Variants in PDE1B observed in about 807,000 individuals in gnomAD.
PDE1B encodes phosphodiesterase 1B.
A neutral mutation model predicts 66.7 loss-of-function variants in PDE1B; 13 were observed. That is an observed-to-expected ratio of 0.19 (90% CI 0.13 to 0.31). The LOEUF is 0.31. PDE1B is among the 10% of genes least tolerant of loss of function. The pLI is 1.00. For missense variants in PDE1B, 485 were observed against 682.3 expected, an observed-to-expected ratio of 0.71 and a Z score of 3.22; for synonymous variants, 230 against 253.9, an observed-to-expected ratio of 0.91 and a Z score of 0.90.
chr12:54,558,651 A>T, intron 2 of PDE1B, among the ~76,000 whole-genome samples: 1 of 152,166 alleles, frequency 6.6e-6, no homozygotes, highest in Non-Finnish European at 1.5e-5. Flanking sequence ...CTGCCTCCCC[A>T]GGGCCTCTGG....
chr12:54,573,753 G>T lies in PDE1B; in HGVS notation c.1064+44G>T. 1 of 1,453,596 alleles carries T rather than the reference G, an allele frequency of 6.9e-7. No individual in the cohort carries two copies. The highest frequency in any genetic ancestry group is 9.7e-7 in the Non-Finnish European group (1 of 1,035,126). 90.0% of individuals were successfully genotyped at this position (1,453,596 alleles called of 1,614,324 possible). A position where few individuals can be genotyped will look rare whatever the true frequency, so the allele number is the denominator to read the frequency against. ...TGGCTGGGGCCAGGCCAGAGGGAGG[G>T]GTGTGTGAACTGGGGGGGTATACAC... On this transcript the variant is annotated intron_variant, in intron 10 of 15. Transcript: ENST00000243052. This position sits in a 1 kb window ranked among gnomAD's most constrained non-coding sequence, Gnocchi z 5.2.
chr12:54,576,590 T>G lies in PDE1B; in HGVS notation c.1396T>G (p.Ser466Ala). 6.2e-7 allele frequency: 1 copy of G among 1,614,056 alleles called. No individual in the cohort carries two copies. Among genetic ancestry groups the G allele is most frequent in the Non-Finnish European group, 8.5e-7 (1 of 1,180,002 alleles). ...TTCTAGCTTTCAGTGGCGCCAGCCC[T>G]CTCTGGATGTGGAAGTGGGAGACCC... Reference protein sequence around the residue: ...NQPSFQWRQPSLDVEVGDPNP... With the variant: ...NQPSFQWRQPALDVEVGDPNP... Residue 466 changes from serine (S) to alanine (A), a missense_variant, in exon 14 of 16, where the codon TCT becomes GCT. Ser to Ala is a moderately conservative substitution (Grantham distance 99). Transcript: ENST00000243052.
In PDE1B at chr12:54,549,622, T is replaced by C. The variant is rs1957244098; in HGVS notation, c.-164T>C. 4.4e-6 allele frequency: 2 copies of C among 449,618 alleles called. No individual in the cohort carries two copies. Among genetic ancestry groups the C allele is most frequent in the South Asian group, 3.5e-5 (1 of 28,526 alleles). The allele number at this position is 449,618 out of a possible 1,614,324, so 27.9% of individuals were successfully genotyped here. A position where few individuals can be genotyped will look rare whatever the true frequency, so the allele number is the denominator to read the frequency against. On this transcript the variant is annotated 5_prime_UTR_variant, in exon 1 of 16. Coordinates refer to ENST00000243052, the MANE Select transcript of PDE1B (RefSeq NM_000924.4). ...TGGCAGCGCGCGGCGGCGGCGGCGG[T>C]AGCGGCAGCAGCAGCGGCGGTGCGG...
intron 2 of PDE1B, chr12:54,561,400 T>C: frequency 8.2e-7 from 1 of 1,220,930 alleles, no homozygotes. Flanking sequence ...GCTGGGTCTC[T>C]GCCTCCCCAC....
chr12:54,566,940 G>C, intron 2 of PDE1B, 34 bp from the exon 3 acceptor site: 1 of 1,176,412 alleles, frequency 8.5e-7, no homozygotes, highest in Non-Finnish European at 1.3e-6. Flanking sequence ...AGGTAGCTGT[G>C]CCTAAGCAGC....
chr12:54,564,934 A>T (rs1465368234), intron 2 of PDE1B, among the ~76,000 whole-genome samples: 6 of 152,200 alleles, frequency 3.9e-5, no homozygotes, highest in Admixed American at 3.9e-4. Flanking sequence ...TGGTTTCTGC[A>T]TTGTAAATGG....
intron 13 of PDE1B, 163 bp from the exon 14 acceptor site, chr12:54,576,408 G>C (rs924820085): frequency 3.8e-5 from 28 of 733,362 alleles, no homozygotes; most frequent in Admixed American, 1.9e-4. Flanking sequence ...TGAAATGAGG[G>C]GGAGAGGGAC....
At position 54,575,489 on chromosome 12, in the gene PDE1B, A is replaced by G. The variant is rs1016529725; in HGVS notation, c.1186-62A>G. 2.4e-5 allele frequency: 29 copies of G among 1,197,724 alleles called. No homozygotes were observed. The highest frequency in any genetic ancestry group is 3.5e-5 in the Non-Finnish European group (28 of 801,888). 74.2% of individuals were successfully genotyped at this position (1,197,724 alleles called of 1,614,324 possible). A position where few individuals can be genotyped will look rare whatever the true frequency, so the allele number is the denominator to read the frequency against. On this transcript the variant is annotated intron_variant, in intron 11 of 15. Transcript: ENST00000243052. The surrounding 1 kb of genome is among the most constrained non-coding windows in gnomAD (Gnocchi z 4.0). ...CCCACCCCCACCACTTGCCACCTGT[A>G]CCCCAGATCTGGTAGGTCTGAGGTA...
intron 2 of PDE1B, among the ~76,000 whole-genome samples, chr12:54,563,208 C>G (rs576907926): frequency 6.6e-6 from 1 of 152,174 alleles, no homozygotes; most frequent in Non-Finnish European, 1.5e-5. Flanking sequence ...ATGGGCCAAC[C>G]GACAGAATTA....
Position 54,549,884 on chromosome 12 carries a change from C to A in PDE1B, c.12C>A (p.Ser4=), listed in dbSNP as rs148928407. MEL[S]PRSPPEMLEE... ...GACCGTGGCTGAGCATGGAGCTGTC[C>A]CCCCGCAGTCCTCCGGAGATGCTGG... The change falls in exon 2 of 16, where the codon TCC becomes TCA. Residue 4 remains serine, a synonymous_variant. Transcript: ENST00000243052. 801 of 1,613,430 alleles carry A rather than the reference C, an allele frequency of 5.0e-4. 2 individuals carry two copies. In the African/African-American group the frequency reaches 9.9e-3, roughly 20 times the overall value.
chr12:54,569,452 A>G lies in PDE1B; in HGVS notation c.410+86A>G, dbSNP rs1270294359. On this transcript the variant is annotated intron_variant, in intron 4 of 15. Coordinates refer to ENST00000243052, the MANE Select transcript of PDE1B (RefSeq NM_000924.4). The surrounding 1 kb of genome is among the most constrained non-coding windows in gnomAD (Gnocchi z 4.4). ...CCCTGGTCTTCCATGACCACCAGCCATATGATCCCATGGCTCATCCCCACA... is the reference window on the plus strand; with the variant it reads ...CCCTGGTCTTCCATGACCACCAGCCGTATGATCCCATGGCTCATCCCCACA... The G allele has an allele frequency of 1.1e-5, 18 of 1,588,110 alleles. No homozygotes were observed. Among genetic ancestry groups the G allele is most frequent in the Admixed American group, 3.4e-5 (2 of 59,268 alleles).
In PDE1B at chr12:54,575,999, C is replaced by T. The variant is rs568152920; in HGVS notation, c.1275C>T (p.Ile425=). The part of the protein sequence containing the change: ...TLVAQSQIGF[I]DFIVEPTFSV... ...ATTGCTCCTCCACTGCAGGGTTCATCGACTTCATTGTGGAGCCCACATTCT... is the reference window on the plus strand; with the variant it reads ...ATTGCTCCTCCACTGCAGGGTTCATTGACTTCATTGTGGAGCCCACATTCT... The change falls in exon 13 of 16, where the codon ATC becomes ATT. Residue 425 remains isoleucine, a synonymous_variant. Coordinates refer to ENST00000243052, the MANE Select transcript of PDE1B (RefSeq NM_000924.4). The surrounding 1 kb of genome is among the most constrained non-coding windows in gnomAD (Gnocchi z 4.0). The T allele has an allele frequency of 4.3e-6, 7 of 1,610,262 alleles. No individual in the cohort carries two copies. The highest frequency in any genetic ancestry group is 2.2e-5 in the South Asian group (2 of 91,026).
rs144754384 is a variant in PDE1B, at chr12:54,549,975, C to G, written c.103C>G (p.Leu35Val). The G allele has an allele frequency of 2.4e-5, 38 of 1,613,888 alleles. No homozygotes were observed. Among genetic ancestry groups the G allele is most frequent in the Non-Finnish European group, 3.0e-5 (35 of 1,179,942 alleles). ...SAPSKKMWIKLRSLLRYMVKQ... is the reference protein window; with the variant it reads ...SAPSKKMWIKVRSLLRYMVKQ... ...CCCCAGCAAGAAGATGTGGATTAAG[C>G]TTCGGTCTCTGTAAGTCCCCGGCCC... is the stretch of plus-strand genomic sequence containing the variant. Residue 35 changes from leucine to valine, a missense_variant, in exon 2 of 16, where the codon CTT (leucine) becomes GTT (valine). Physicochemically the swap from Leu to Val is conservative, Grantham distance 32. Transcript: ENST00000243052.
rs189405237 is a variant in PDE1B, at chr12:54,575,519, C to T, written c.1186-32C>T. 1.3e-6 allele frequency: 2 copies of T among 1,517,204 alleles called. No homozygotes were observed. Among genetic ancestry groups the T allele is most frequent in the Admixed American group, 3.3e-5 (2 of 59,894 alleles). 94.0% of individuals were successfully genotyped at this position (1,517,204 alleles called of 1,614,324 possible). A position where few individuals can be genotyped will look rare whatever the true frequency, so the allele number is the denominator to read the frequency against. ...AGATCTGGTAGGTCTGAGGTATCCT[C>T]TCCAGCTTTCCTACCCTGTTCCCTC... On this transcript the variant is annotated intron_variant, in intron 11 of 15. Transcript: ENST00000243052. The surrounding 1 kb of genome is among the most constrained non-coding windows in gnomAD (Gnocchi z 4.0).
In PDE1B at chr12:54,569,947, A is replaced by T. The variant is rs1565701072; in HGVS notation, c.478-294A>T. On this transcript the variant is annotated intron_variant, in intron 5 of 15. Transcript: ENST00000243052. The surrounding 1 kb of genome is among the most constrained non-coding windows in gnomAD (Gnocchi z 4.4). ...ACTCTTGACCTCAAGTGTTCTGCCC[A>T]CCTCGGTCTCCCAAAGTATTGGGAT... Among the ~76,000 whole-genome samples the T allele has an allele frequency of 6.6e-6, 1 of 152,036 alleles. No homozygotes were observed. The highest frequency in any genetic ancestry group is 2.4e-5 in the African/African-American group (1 of 41,418).
At position 54,569,754 on chromosome 12, in the gene PDE1B, G is replaced by A. The variant is rs185113905; in HGVS notation, c.477+142G>A. 12 of 624,828 alleles carry A rather than the reference G, an allele frequency of 1.9e-5. No homozygotes were observed. In the Admixed American group the frequency reaches 2.1e-4, roughly 11 times the overall value. 38.7% of individuals were successfully genotyped at this position (624,828 alleles called of 1,614,324 possible). A position where few individuals can be genotyped will look rare whatever the true frequency, so the allele number is the denominator to read the frequency against. ...TCTCGCTCTTGTCACTCAGGCTGGA[G>A]TGCAGTGGCGTGATCTCGTCTCACT... On this transcript the variant is annotated intron_variant, in intron 5 of 15. Transcript: ENST00000243052. The surrounding 1 kb of genome is among the most constrained non-coding windows in gnomAD (Gnocchi z 4.4).
chr12:54,577,668 A>G, intron 15 of PDE1B, 192 bp from the exon 16 acceptor site: 1 of 989,342 alleles, frequency 1.0e-6, no homozygotes, highest in Non-Finnish European at 1.4e-6. Context: ...CAGGGCACAC[A>G]GCTCAGTGAG....
At chr12:54,552,402 C>T (rs981215483) in intron 2 of PDE1B, among the ~76,000 whole-genome samples, 3 of 152,214 alleles carry the variant, frequency 2.0e-5, no homozygotes, top group Non-Finnish European at 2.9e-5. Context: ...GAAATGGAAA[C>T]ATGGCATATA....
At chr12:54,559,829 G>A (rs1465171546) in intron 2 of PDE1B, among the ~76,000 whole-genome samples, 2 of 152,176 alleles carry the variant, frequency 1.3e-5, no homozygotes, top group African/African-American at 4.8e-5. Context: ...AAGTTGGCCT[G>A]GGTTGGAGGT....
Sources: gnomAD v4.1 joint callset for allele counts (sites outside exome capture counted in the v4.1 genomes callset) on GRCh38, gnomAD v4.1.1 for gene constraint, Gnocchi (gnomAD v3.1) non-coding constraint, MANE v1.5 for transcripts, NCBI Gene and HGNC (gene_info 2026-07-23, HGNC 2026-07-21) for gene names.